SOBP: variants seen among roughly 807,000 people sequenced by gnomAD.
SOBP encodes sine oculis-binding protein homolog.
Under a neutral mutation model 53.6 loss-of-function variants are expected in SOBP, and 4 were observed. The ratio of observed to expected loss-of-function variants is 0.07; its 90% confidence interval spans 0.04 to 0.17. SOBP has a LOEUF of 0.17. SOBP is among the 10% of genes least tolerant of loss of function. SOBP has a pLI of 1.00. For synonymous variants in SOBP, 584 were observed against 522.6 expected (o/e 1.12, Z -1.60); for missense variants, 1,088 against 1,204.7 (o/e 0.90, Z 1.43).
At chr6:107,491,475 C>G (rs1782579833) in intron 1 of SOBP, among the ~76,000 whole-genome samples, 1 of 152,258 alleles carries the variant, frequency 6.6e-6, no homozygotes, top group African/African-American at 2.4e-5. Context: ...CCCCGCCAGG[C>G]CAGCGGTGCA....
At chr6:107,611,468 C>CT (rs1272625940) in intron 5 of SOBP, among the ~76,000 whole-genome samples, 3 of 152,184 alleles carry the variant, frequency 2.0e-5, no homozygotes, top group African/African-American at 7.2e-5. Flanking sequence ...TAACATTTGA[C>CT]TATAAGCAAC....
At chr6:107,637,935 A>G (rs1298247685) in intron 6 of SOBP, among the ~76,000 whole-genome samples, 2 of 152,380 alleles carry the variant, frequency 1.3e-5, no homozygotes, top group Admixed American at 1.3e-4. Context: ...GAAATTGCCC[A>G]CTACCTCTTG....
At chr6:107,607,853 A>G (rs940490907) in intron 5 of SOBP, among the ~76,000 whole-genome samples, 4 of 152,212 alleles carry the variant, frequency 2.6e-5, no homozygotes, top group Admixed American at 6.5e-5. Context: ...CACTGTGTCA[A>G]TCCAGAATCT....
intron 4 of SOBP, among the ~76,000 whole-genome samples, chr6:107,564,302 T>C (rs1482329824): frequency 3.9e-5 from 6 of 152,196 alleles, no homozygotes; most frequent in African/African-American, 7.2e-5. Context: ...CACTCTCCTG[T>C]AGTTTCAATG....
rs747400097 is a variant in SOBP, at chr6:107,633,906, C to T, written c.1062C>T (p.Pro354=). The part of the protein sequence containing the change: ...KIPTPVPKSI[P]ISETPNIPPV... ...CCACGCCAGTGCCCAAGTCCATCCCCATCAGCGAGACTCCAAATATCCCTC... is the reference window on the plus strand; with the variant it reads ...CCACGCCAGTGCCCAAGTCCATCCCTATCAGCGAGACTCCAAATATCCCTC... The change falls in exon 6 of 7, where the codon CCC becomes CCT. Residue 354 remains proline, a synonymous_variant. Transcript: ENST00000317357. The T allele has an allele frequency of 1.2e-6, 2 of 1,614,230 alleles. No individual in the cohort carries two copies. The highest frequency in any genetic ancestry group is 8.5e-7 in the Non-Finnish European group (1 of 1,180,036).
At chr6:107,554,748 GA>G (rs1784559173) in intron 4 of SOBP, among the ~76,000 whole-genome samples, 1 of 152,086 alleles carries the variant, frequency 6.6e-6, no homozygotes, top group Admixed American at 6.5e-5. Context: ...TTCTGTTCTG[GA>G]AAAAACGCAT....
At chr6:107,585,755 T>C (rs1267878779) in intron 4 of SOBP, among the ~76,000 whole-genome samples, 1 of 152,188 alleles carries the variant, frequency 6.6e-6, no homozygotes, top group Non-Finnish European at 1.5e-5. Flanking sequence ...GTTCCCTCCC[T>C]GGACTAGGTA....
chr6:107,529,362 G>T, intron 3 of SOBP: 1 of 698,136 alleles, frequency 1.4e-6, no homozygotes, highest in Non-Finnish European at 1.8e-6. Context: ...TCATTTCATG[G>T]CATGGGGAAC....
chr6:107,490,433 C>T lies in SOBP; in HGVS notation c.-184C>T. 2 of 562,380 alleles carry T rather than the reference C, an allele frequency of 3.6e-6. No individual in the cohort carries two copies. Among genetic ancestry groups the T allele is most frequent in the South Asian group, 3.8e-5 (2 of 52,002 alleles). 34.8% of individuals were successfully genotyped at this position (562,380 alleles called of 1,614,324 possible). A position where few individuals can be genotyped will look rare whatever the true frequency, so the allele number is the denominator to read the frequency against. On this transcript the variant is annotated 5_prime_UTR_variant, in exon 1 of 7. Coordinates refer to ENST00000317357, the MANE Select transcript of SOBP (RefSeq NM_018013.4). ...TGACAGCCACTGACGTCCTCCGCCG[C>T]TAGAAGAGACCCCGCTTCTCGGCGC...
chr6:107,534,416 C>T (rs1783930235), intron 4 of SOBP, among the ~76,000 whole-genome samples: 1 of 152,170 alleles, frequency 6.6e-6, no homozygotes, highest in Admixed American at 6.5e-5. Context: ...ACTTGCTAGT[C>T]CTCAATTATT....
chr6:107,594,204 T>C (rs1413421164), intron 5 of SOBP, among the ~76,000 whole-genome samples: 3 of 152,058 alleles, frequency 2.0e-5, no homozygotes, highest in Admixed American at 2.0e-4. Flanking sequence ...TAGTAGCTAT[T>C]GGGTAGGGTT....
chr6:107,494,768 G>C (rs545840564), intron 1 of SOBP, among the ~76,000 whole-genome samples: 14 of 152,256 alleles, frequency 9.2e-5, no homozygotes, highest in African/African-American at 3.4e-4. Flanking sequence ...CTAAAATTAC[G>C]CTTCAGTCCT....
intron 5 of SOBP, among the ~76,000 whole-genome samples, chr6:107,626,112 A>G (rs1770448935): frequency 6.6e-6 from 1 of 152,248 alleles, no homozygotes; most frequent in Non-Finnish European, 1.5e-5. Flanking sequence ...TAAGGTAAAT[A>G]CATATCTGAA....
At chr6:107,653,143 A>G (rs113048307) in intron 6 of SOBP, among the ~76,000 whole-genome samples, 10 of 152,360 alleles carry the variant, frequency 6.6e-5, no homozygotes, top group Non-Finnish European at 1.3e-4. Flanking sequence ...TCTATCCTGC[A>G]AAAGCCATTT....
chr6:107,624,372 A>G (rs1770363132), intron 5 of SOBP, among the ~76,000 whole-genome samples: 1 of 152,226 alleles, frequency 6.6e-6, no homozygotes, highest in Non-Finnish European at 1.5e-5. Context: ...ACAGCATAGA[A>G]GGGCCCTGGG....
Position 107,564,581 on chromosome 6 carries a change from A to AACTAACTAACTAACTAAC in SOBP, c.574-22499_574-22498insACTAACTAACTAACTAAC, listed in dbSNP as rs756813445. On this transcript the variant is annotated intron_variant, in intron 4 of 6. Transcript: ENST00000317357. ...CCTCCTCGTATGTTAGTTGTTGACC[A>AACTAACTAACTAACTAAC]TAGCTCTGTGATTCTGGATTTGTGC... 5.5e-4 allele frequency among the ~76,000 whole-genome samples: 84 copies of AACTAACTAACTAACTAAC among 152,096 alleles called. 1 individual carries two copies. The South Asian group carries it at 0.012, about 22-fold the overall frequency.
At chr6:107,492,038 T>A (rs529596377) in intron 1 of SOBP, among the ~76,000 whole-genome samples, 20 of 152,336 alleles carry the variant, frequency 1.3e-4, no homozygotes, top group African/African-American at 4.8e-4. Flanking sequence ...GTTTTATTAC[T>A]GGATAAGGAA....
chr6:107,651,117 A>T (rs1283535425), intron 6 of SOBP, among the ~76,000 whole-genome samples: 1 of 152,116 alleles, frequency 6.6e-6, no homozygotes, highest in Non-Finnish European at 1.5e-5. Context: ...AATATGAAAA[A>T]TTAGCTGGGT....
intron 3 of SOBP, among the ~76,000 whole-genome samples, chr6:107,516,015 C>G (rs1783309192): frequency 6.6e-6 from 1 of 151,944 alleles, no homozygotes; most frequent in Admixed American, 6.6e-5. Flanking sequence ...AAATTTAGCA[C>G]TATAAATGAT....
Sources: allele counts gnomAD v4.1 joint callset (sites outside exome capture counted in the v4.1 genomes callset), GRCh38; gene constraint gnomAD v4.1.1; transcripts MANE v1.5; gene names NCBI Gene and HGNC (gene_info 2026-07-23, HGNC 2026-07-21).